The following MYO16 variants were observed in gnomAD, a reference collection of about 807,000 sequenced individuals.
MYO16 encodes the protein unconventional myosin-XVI.
A neutral mutation model predicts 205.3 loss-of-function variants in MYO16; 94 were observed. That is an observed-to-expected ratio of 0.46 (90% CI 0.39 to 0.54). The LOEUF is 0.54. MYO16 is among the 20% of genes least tolerant of loss of function. MYO16 has a pLI of 0.00. For synonymous variants in MYO16, 988 were observed against 954.0 expected (o/e 1.04, Z -0.66); for missense variants, 2,315 against 2,387.5 (o/e 0.97, Z 0.63).
At chr13:109,001,637 A>C (rs1885216997) in intron 21 of MYO16, among the ~76,000 whole-genome samples, 1 of 152,208 alleles carries the variant, frequency 6.6e-6, no homozygotes, top group Non-Finnish European at 1.5e-5. Context: ...GCCGTTTCAT[A>C]GGCAATATAT....
intron 9 of MYO16, among the ~76,000 whole-genome samples, chr13:108,841,592 G>T (rs1385722885): frequency 6.6e-6 from 1 of 152,120 alleles, no homozygotes; most frequent in Admixed American, 6.6e-5. Flanking sequence ...CTACAAAGAT[G>T]CTGAGTGGGA....
intron 4 of MYO16, among the ~76,000 whole-genome samples, chr13:108,759,536 T>C (rs1241572609): frequency 6.6e-6 from 1 of 152,044 alleles, no homozygotes; most frequent in East Asian, 1.9e-4. Flanking sequence ...AAAGAACATA[T>C]TTGGGCCGGG....
chr13:109,055,050 T>C lies in MYO16; in HGVS notation c.3053T>C (p.Leu1018Ser). Residue 1018 changes from leucine to serine, a missense_variant, in exon 26 of 35, where the codon TTA becomes TCA. Coordinates refer to ENST00000457511, the MANE Select transcript of MYO16 (RefSeq NM_001198950.3). This position sits in a 1 kb window ranked among gnomAD's most constrained non-coding sequence, Gnocchi z 5.0. ...TTGTCTTTCTTTTTATTACAGTTATTAAAAAAGAAAGGAACTTCTACATTT... is the reference window on the plus strand; with the variant it reads ...TTGTCTTTCTTTTTATTACAGTTATCAAAAAAGAAAGGAACTTCTACATTT... ...NKNYLELSKLLKKKGTSTFLQ... is the reference protein window; with the variant it reads ...NKNYLELSKLSKKKGTSTFLQ... 6.4e-7 allele frequency: 1 copy of C among 1,550,936 alleles called. No homozygotes were observed. Among genetic ancestry groups the C allele is most frequent in the Non-Finnish European group, 8.8e-7 (1 of 1,139,826 alleles).
chr13:108,557,052 A>T, the MYO16 span, among the ~76,000 whole-genome samples: 2 of 152,092 alleles, frequency 1.3e-5, no homozygotes, highest in Admixed American at 1.3e-4. Flanking sequence ...TTATTTTGTG[A>T]AGTCAAGTAG....
chr13:108,714,528 G>T (rs749256494), intron 3 of MYO16, among the ~76,000 whole-genome samples: 1 of 152,076 alleles, frequency 6.6e-6, no homozygotes. Flanking sequence ...AGGAAGAGGA[G>T]TTGGAAGGGA....
intron 12 of MYO16, among the ~76,000 whole-genome samples, chr13:108,879,036 G>A (rs932711478): frequency 6.6e-6 from 1 of 152,190 alleles, no homozygotes; most frequent in Non-Finnish European, 1.5e-5. Context: ...AATGTTTGTA[G>A]GAAAGTGCTT....
At chr13:109,167,720 G>A (rs539414319) in intron 33 of MYO16, among the ~76,000 whole-genome samples, 3 of 152,220 alleles carry the variant, frequency 2.0e-5, no homozygotes, top group South Asian at 2.1e-4. Flanking sequence ...AATAAAGACC[G>A]AGAATTAATT....
intron 6 of MYO16, among the ~76,000 whole-genome samples, chr13:108,799,857 G>A (rs1486690546): frequency 1.3e-5 from 2 of 152,184 alleles, no homozygotes; most frequent in African/African-American, 4.8e-5. Flanking sequence ...AAACTCCACT[G>A]AAGTTAAGAG....
At chr13:108,981,601 G>A (rs367843734) in intron 20 of MYO16, among the ~76,000 whole-genome samples, 89 of 152,370 alleles carry the variant, frequency 5.8e-4, no homozygotes, top group African/African-American at 2.0e-3. Context: ...CCTGCTGGAA[G>A]ATGAGACAGA....
intron 27 of MYO16, among the ~76,000 whole-genome samples, chr13:109,066,081 T>G (rs966066519): frequency 1.3e-5 from 2 of 152,238 alleles, no homozygotes; most frequent in Middle Eastern, 6.8e-3. Flanking sequence ...CTGAAAAGCC[T>G]CACTATGAAA....
chr13:109,000,077 A>G (rs184229031), intron 21 of MYO16, among the ~76,000 whole-genome samples: 99 of 152,364 alleles, frequency 6.5e-4, no homozygotes, highest in South Asian at 4.1e-4. Context: ...TACAAAGCTT[A>G]GTAAGGAGAA....
intron 21 of MYO16, among the ~76,000 whole-genome samples, chr13:108,996,657 G>T (rs1049032010): frequency 2.6e-5 from 4 of 152,242 alleles, no homozygotes; most frequent in Admixed American, 1.3e-4. Flanking sequence ...GCCATAGGTT[G>T]GTACTTACTG....
chr13:108,753,226 CG>C (rs1454081183), intron 4 of MYO16, among the ~76,000 whole-genome samples: 1 of 151,528 alleles, frequency 6.6e-6, no homozygotes, highest in Non-Finnish European at 1.5e-5. Context: ...AAAAATTAGC[CG>C]GGTGTGTTGG....
chr13:109,014,145 A>G (rs181222547), intron 22 of MYO16, among the ~76,000 whole-genome samples: 25 of 152,326 alleles, frequency 1.6e-4, no homozygotes, highest in Non-Finnish European at 2.9e-4. Flanking sequence ...AATTTTGTAT[A>G]AGGTGTAAGG....
chr13:109,009,768 A>G (rs1885530013), intron 22 of MYO16, among the ~76,000 whole-genome samples: 3 of 152,064 alleles, frequency 2.0e-5, no homozygotes, highest in Middle Eastern at 6.8e-3. Flanking sequence ...TTTCTAAATT[A>G]TTTTATTTTA....
intron 27 of MYO16, 44 bp from the exon 28 acceptor site, chr13:109,100,741 T>G (rs751274803): frequency 1.2e-5 from 18 of 1,482,118 alleles, no homozygotes; most frequent in Non-Finnish European, 1.6e-5. Flanking sequence ...ATCATGTGCT[T>G]GGCAAATGCA....
intron 16 of MYO16, among the ~76,000 whole-genome samples, chr13:108,919,538 C>T (rs1455339947): frequency 1.0e-5 from 1 of 99,172 alleles, no homozygotes; most frequent in Non-Finnish European, 2.3e-5. Flanking sequence ...AGTTGGTTAT[C>T]ATTGAGGTGA....
rs766407899 is a variant in MYO16, at chr13:108,866,173, A to C, written c.1360-4A>C. On this transcript the variant is annotated splice_polypyrimidine_tract_variant and splice_region_variant and intron_variant, in intron 11 of 34. Coordinates refer to ENST00000457511, the MANE Select transcript of MYO16 (RefSeq NM_001198950.3). ...ATGAACTGTTTGCATCCCTTTTTTC[A>C]CAGACATTCATTGGAGACATTCTTT... 6.3e-7 allele frequency: 1 copy of C among 1,596,736 alleles called. No homozygotes were observed. Among genetic ancestry groups the C allele is most frequent in the African/African-American group, 1.3e-5 (1 of 74,476 alleles).
chr13:109,017,414 A>C (rs932173205), intron 22 of MYO16, among the ~76,000 whole-genome samples: 1 of 151,980 alleles, frequency 6.6e-6, no homozygotes, highest in Admixed American at 6.6e-5. Context: ...CCTTCATTTC[A>C]ACCTTGGTGA....
Sources: gnomAD v4.1 joint callset for allele counts (sites outside exome capture counted in the v4.1 genomes callset) on GRCh38, gnomAD v4.1.1 for gene constraint, Gnocchi (gnomAD v3.1) non-coding constraint, MANE v1.5 for transcripts, NCBI Gene and HGNC (gene_info 2026-07-23, HGNC 2026-07-21) for gene names.